Variants in CCNY observed in about 807,000 individuals in gnomAD.
The protein encoded by CCNY is cyclin Y, also known as cyclin-Y.
In CCNY, 19 loss-of-function variants were observed where a neutral mutation model predicts 42.8. The ratio of observed to expected loss-of-function variants is 0.44; its 90% CI spans 0.31 to 0.65. The LOEUF (loss-of-function observed/expected upper bound fraction) is 0.65. Among genes scored for constraint, CCNY ranks in the 30% least tolerant of loss-of-function variants. The pLI, the probability that CCNY is intolerant of heterozygous loss-of-function variation, is 0.07. For synonymous variants in CCNY, 165 were observed against 162.7 expected, an observed-to-expected ratio of 1.01 and a Z score of -0.11; for missense variants, 370 against 437.3, an observed-to-expected ratio of 0.85 and a Z score of 1.37.
At chr10:35,361,897 C>T (rs1002803985) in intron 1 of CCNY, among the ~76,000 whole-genome samples, 23 of 152,322 alleles carry the variant, frequency 1.5e-4, no homozygotes, top group African/African-American at 5.1e-4. Context: ...CACACTTCAG[C>T]ACCCAAAATC....
At chr10:35,356,409 G>A (rs975425767) in intron 1 of CCNY, among the ~76,000 whole-genome samples, 6 of 152,192 alleles carry the variant, frequency 3.9e-5, no homozygotes, top group African/African-American at 1.4e-4. Flanking sequence ...GTGGTTTTGG[G>A]AATTAACACA....
At chr10:35,373,675 T>A (rs1836987665) in intron 1 of CCNY, among the ~76,000 whole-genome samples, 1 of 152,202 alleles carries the variant, frequency 6.6e-6, no homozygotes, top group African/African-American at 2.4e-5. Context: ...ACTTAATGAA[T>A]AGTAAATCTA....
chr10:35,261,857 C>T (rs964507927), intron 3 of CCNY, among the ~76,000 whole-genome samples: 1 of 151,914 alleles, frequency 6.6e-6, no homozygotes. Flanking sequence ...CCCGTCTCTA[C>T]TAAAAACACA....
intron 3 of CCNY, among the ~76,000 whole-genome samples, chr10:35,511,333 G>A (rs1840320829): frequency 3.9e-5 from 6 of 152,172 alleles, no homozygotes; most frequent in Admixed American, 3.9e-4. Flanking sequence ...AGCCAGAAAT[G>A]ACAATGGAGA....
intron 3 of CCNY, among the ~76,000 whole-genome samples, chr10:35,503,426 C>T (rs1481315070): frequency 6.6e-6 from 1 of 152,172 alleles, no homozygotes; most frequent in Non-Finnish European, 1.5e-5. Flanking sequence ...GACCTCGCTG[C>T]AAATGAGCGC....
chr10:35,309,169 AAAGT>A (rs1835651526), intron 3 of CCNY, among the ~76,000 whole-genome samples: 1 of 152,198 alleles, frequency 6.6e-6, no homozygotes, highest in Admixed American at 6.5e-5. Context: ...GCTCACGGCT[AAAGT>A]AAGGAAAAGT....
At chr10:35,542,501 C>T (rs887845107) in intron 7 of CCNY, among the ~76,000 whole-genome samples, 4 of 152,136 alleles carry the variant, frequency 2.6e-5, no homozygotes, top group African/African-American at 4.8e-5. Flanking sequence ...GCAAACCACA[C>T]GTATGCAGGC....
intron 2 of CCNY, among the ~76,000 whole-genome samples, chr10:35,499,434 C>T (rs1840066684): frequency 6.6e-6 from 1 of 152,170 alleles, no homozygotes; most frequent in Non-Finnish European, 1.5e-5. Context: ...CAGGTCCCTC[C>T]CACAACATGT....
intron 3 of CCNY, among the ~76,000 whole-genome samples, chr10:35,514,952 G>A (rs1016976488): frequency 6.6e-6 from 1 of 152,168 alleles, no homozygotes; most frequent in African/African-American, 2.4e-5. Context: ...TGTTATTAGA[G>A]TCTGAGGCTT....
intron 1 of CCNY, among the ~76,000 whole-genome samples, chr10:35,363,025 G>A (rs1836725025): frequency 6.7e-6 from 1 of 149,268 alleles, no homozygotes; most frequent in African/African-American, 2.5e-5. Context: ...CCAGGTGGTG[G>A]GCCGCCGGCG....
At chr10:35,424,675 C>T (rs934548435) in intron 1 of CCNY, among the ~76,000 whole-genome samples, 2 of 152,188 alleles carry the variant, frequency 1.3e-5, no homozygotes, top group Non-Finnish European at 2.9e-5. Context: ...CCAGGGTCTC[C>T]CAGCTCTCAC....
At chr10:35,525,733 A>C (rs1241641088) in intron 4 of CCNY, among the ~76,000 whole-genome samples, 1 of 152,146 alleles carries the variant, frequency 6.6e-6, no homozygotes, top group Admixed American at 6.5e-5. Context: ...ATATCACTTG[A>C]AGTTCTTTTG....
chr10:35,307,245 C>T (rs890737719), intron 3 of CCNY, among the ~76,000 whole-genome samples: 1 of 152,174 alleles, frequency 6.6e-6, no homozygotes, highest in African/African-American at 2.4e-5. Context: ...CAAGAAATGT[C>T]AGCTGTAATA....
chr10:35,397,153 A>G (rs959424567), intron 1 of CCNY, among the ~76,000 whole-genome samples: 1 of 152,188 alleles, frequency 6.6e-6, no homozygotes, highest in African/African-American at 2.4e-5. Flanking sequence ...CGCATACAAC[A>G]AACTTGGAGC....
chr10:35,258,569 A>G (rs1032223329), intron 3 of CCNY, among the ~76,000 whole-genome samples: 5 of 152,158 alleles, frequency 3.3e-5, no homozygotes, highest in Admixed American at 6.6e-5. Context: ...AGTGATTCTG[A>G]TATTTGTGGA....
At chr10:35,412,263 C>T (rs1000360044) in intron 1 of CCNY, among the ~76,000 whole-genome samples, 2 of 152,160 alleles carry the variant, frequency 1.3e-5, no homozygotes, top group African/African-American at 2.4e-5. Context: ...ATCCAATCTA[C>T]AGCAGATGGA....
At chr10:35,335,433 A>C (rs1271903862), upstream of CCNY, among the ~76,000 whole-genome samples, 1 of 152,198 alleles carries the variant, frequency 6.6e-6, no homozygotes, top group Admixed American at 6.5e-5. Flanking sequence ...CAGCGAATTC[A>C]ATATTAAAAT....
chr10:35,248,243 A>G (rs2095709576), intron 2 of CCNY: 1 of 152,434 alleles, frequency 6.6e-6, no homozygotes, highest in Non-Finnish European at 1.5e-5. Context: ...TCCCAGTGCT[A>G]AAAATTATTT....
intron 1 of CCNY, among the ~76,000 whole-genome samples, chr10:35,387,781 G>C (rs1837329708): frequency 6.6e-6 from 1 of 152,220 alleles, no homozygotes; most frequent in Non-Finnish European, 1.5e-5. Context: ...TCTTCTTCCT[G>C]AGTGAACTCA....
Sources: allele counts gnomAD v4.1 joint callset (sites outside exome capture counted in the v4.1 genomes callset), GRCh38; gene constraint gnomAD v4.1.1; transcripts MANE v1.5; gene names NCBI Gene and HGNC (gene_info 2026-07-23, HGNC 2026-07-21).